ILDR2: variants seen among roughly 807,000 people sequenced by gnomAD.
ILDR2 encodes immunoglobulin like domain containing receptor 2.
Under a neutral mutation model 66.8 loss-of-function variants are expected in ILDR2, and 25 were observed. The observed-to-expected ratio is 0.37, with a 90% confidence interval of 0.27 to 0.52. ILDR2 has a LOEUF of 0.52. ILDR2 is among the 20% of genes least tolerant of loss of function. The pLI is 0.88. For synonymous variants in ILDR2, 367 were observed against 357.2 expected (o/e 1.03, Z -0.31); for missense variants, 827 against 876.8 (o/e 0.94, Z 0.72).
Position 166,916,992 on chromosome 1 carries a change from C to G in ILDR2, c.*2363G>C, listed in dbSNP as rs1487673703. The G allele has an allele frequency of 6.6e-6, 1 of 152,250 alleles. No homozygotes were observed. The highest frequency in any genetic ancestry group is 1.9e-4 in the East Asian group (1 of 5,202). The allele number at this position is 152,250 out of a possible 1,614,324, so 9.4% of individuals were successfully genotyped here. A position where few individuals can be genotyped will look rare whatever the true frequency, so the allele number is the denominator to read the frequency against. Reference sequence around the variant, plus strand: ...TATAAAGCGATAATAGCTACCACAGCTACCCAATATTCTCCAAAATTGCCT... The same window carrying G: ...TATAAAGCGATAATAGCTACCACAGGTACCCAATATTCTCCAAAATTGCCT... On this transcript the variant is annotated 3_prime_UTR_variant, in exon 10 of 10. Coordinates refer to ENST00000271417, the MANE Select transcript of ILDR2 (RefSeq NM_199351.3).
At chr1:166,943,970 T>C in intron 3 of ILDR2, 1 of 431,214 alleles carries the variant, frequency 2.3e-6, no homozygotes, top group Non-Finnish European at 3.1e-6. Context: ...TCCCCAAATC[T>C]TGCAGAATCC....
intron 3 of ILDR2, among the ~76,000 whole-genome samples, 164 bp downstream of exon 3, chr1:166,956,569 A>C (rs2075981): frequency 0.41 from 61,564 of 151,978 alleles, 12,771 homozygotes; most frequent in East Asian, 0.58. Flanking sequence ...TAATAAGTAC[A>C]GCTACTGCTC....
At position 166,918,386 on chromosome 1, in the gene ILDR2, G is replaced by A. The variant is rs955439076; in HGVS notation, c.*969C>T. The stretch of plus-strand genomic sequence containing the variant: ...ATGGTCCACATTCAAAATATAATGA[G>A]ATGATGTTATTTCCCTTTTAAATTC... On this transcript the variant is annotated 3_prime_UTR_variant, in exon 10 of 10. Transcript: ENST00000271417. The A allele has an allele frequency of 1.3e-5, 2 of 152,196 alleles. No homozygotes were observed. Among genetic ancestry groups the A allele is most frequent in the Admixed American group, 6.5e-5 (1 of 15,274 alleles). The allele number at this position is 152,196 out of a possible 1,614,324, so 9.4% of individuals were successfully genotyped here.
intron 2 of ILDR2, among the ~76,000 whole-genome samples, chr1:166,901,859 C>T (rs1315729786): frequency 6.6e-6 from 1 of 152,194 alleles, no homozygotes; most frequent in African/African-American, 2.4e-5. Flanking sequence ...GTATGGGTCC[C>T]TTTGATATTA....
At chr1:166,925,665 C>T (rs1012652030) in intron 7 of ILDR2, among the ~76,000 whole-genome samples, 3 of 152,156 alleles carry the variant, frequency 2.0e-5, no homozygotes, top group South Asian at 2.1e-4. Flanking sequence ...ATTGTGTCAC[C>T]GCATCCCTAG....
Position 166,916,332 on chromosome 1 carries a change from A to T in ILDR2, c.*3023T>A, listed in dbSNP as rs942212609. ...TAATATCAAAGTATTCTCATTTTTTAAAAAAACTAAATCTCTGGTTTTATT... is the reference window on the plus strand; with the variant it reads ...TAATATCAAAGTATTCTCATTTTTTTAAAAAACTAAATCTCTGGTTTTATT... On this transcript the variant is annotated 3_prime_UTR_variant, in exon 10 of 10. Coordinates refer to ENST00000271417, the MANE Select transcript of ILDR2 (RefSeq NM_199351.3). 3.9e-5 allele frequency: 6 copies of T among 152,190 alleles called. No individual in the cohort carries two copies. The highest frequency in any genetic ancestry group is 1.9e-4 in the East Asian group (1 of 5,206). 9.4% of individuals were successfully genotyped at this position (152,190 alleles called of 1,614,324 possible).
rs1482736618 is a variant in ILDR2 at position 166,910,544 on chromosome 1, C to G, written c.*8811G>C. The G allele has an allele frequency of 2.0e-5, 3 of 152,192 alleles. No individual in the cohort carries two copies. Among genetic ancestry groups the G allele is most frequent in the Non-Finnish European group, 4.4e-5 (3 of 68,034 alleles). 9.4% of individuals were successfully genotyped at this position (152,192 alleles called of 1,614,324 possible). ...CTGGAAGGTTAGCAATAGAGTCACT[C>G]TCTTGGATGTGTGCCACTAGATGGC... On this transcript the variant is annotated 3_prime_UTR_variant, in exon 10 of 10. Coordinates refer to ENST00000271417, the MANE Select transcript of ILDR2 (RefSeq NM_199351.3).
chr1:166,918,270 T>C lies in ILDR2; in HGVS notation c.*1085A>G, dbSNP rs940593327. The C allele has an allele frequency of 2.6e-5, 4 of 152,122 alleles. No homozygotes were observed. The highest frequency in any genetic ancestry group is 1.9e-4 in the East Asian group (1 of 5,178). The allele number at this position is 152,122 out of a possible 1,614,324, so 9.4% of individuals were successfully genotyped here. A position where few individuals can be genotyped will look rare whatever the true frequency, so the allele number is the denominator to read the frequency against. On this transcript the variant is annotated 3_prime_UTR_variant, in exon 10 of 10. Transcript: ENST00000271417. Reference sequence around the variant, plus strand: ...AATGCTGTATGTTCCACATCCCCCATGTCCTAGAATGGCAGAACTGGGATG... The same window carrying C: ...AATGCTGTATGTTCCACATCCCCCACGTCCTAGAATGGCAGAACTGGGATG...
intron 1 of ILDR2, among the ~76,000 whole-genome samples, chr1:166,962,419 A>G (rs1256880236): frequency 6.6e-6 from 1 of 152,032 alleles, no homozygotes; most frequent in Non-Finnish European, 1.5e-5. Context: ...GGGCCCTAAT[A>G]CCAGCCCCTT....
chr1:166,926,088 G>T (rs1660262554), intron 7 of ILDR2, among the ~76,000 whole-genome samples: 1 of 152,216 alleles, frequency 6.6e-6, no homozygotes, highest in African/African-American at 2.4e-5. Context: ...GATGAATTTA[G>T]AATTGCAAAC....
rs144334612 is a variant in ILDR2 at position 166,950,150 on chromosome 1, T to C, written c.499+6583A>G. 1.0e-2 allele frequency among the ~76,000 whole-genome samples: 1,521 copies of C among 152,332 alleles called. 31 individuals carry two copies. Among genetic ancestry groups the C allele is most frequent in the African/African-American group, 0.034 (1,419 of 41,562 alleles). On this transcript the variant is annotated intron_variant, in intron 3 of 9. Transcript: ENST00000271417. ...GTAGCCTCCAAATTTATGGCGAAAG[T>C]GTGGCTCTGTAATTAATTCCTTTTC...
intron 1 of ILDR2, among the ~76,000 whole-genome samples, chr1:166,970,700 T>G (rs1663235892): frequency 6.6e-6 from 1 of 152,140 alleles, no homozygotes. Flanking sequence ...TGATACTCAA[T>G]TCTATATAAA....
intron 1 of ILDR2, among the ~76,000 whole-genome samples, chr1:166,970,643 C>T (rs1000036681): frequency 5.3e-5 from 8 of 152,226 alleles, no homozygotes; most frequent in Non-Finnish European, 1.2e-4. Context: ...CTGAACTAAG[C>T]ACTAGGTACT....
At chr1:166,906,390 A>G (rs1659350619), downstream of ILDR2, among the ~76,000 whole-genome samples, 1 of 152,192 alleles carries the variant, frequency 6.6e-6, no homozygotes. Context: ...GGGGCTTCCT[A>G]AAAGATGCAA....
In ILDR2 at chr1:166,908,901, T is replaced by C. The variant is rs546861909; in HGVS notation, c.*10454A>G. ...AAAAGGAAGCCGGAAAGGCTGGTTG[T>C]TCAGGGCTCTGTGGCTGCAGATAAA... On this transcript the variant is annotated 3_prime_UTR_variant, in exon 10 of 10. Transcript: ENST00000271417. 6.6e-6 allele frequency: 1 copy of C among 152,370 alleles called. No individual in the cohort carries two copies. The highest frequency in any genetic ancestry group is 2.1e-4 in the South Asian group (1 of 4,826). The allele number at this position is 152,370 out of a possible 1,614,324, so 9.4% of individuals were successfully genotyped here.
chr1:166,938,446 T>G (rs746825746), intron 4 of ILDR2, among the ~76,000 whole-genome samples: 10 of 152,232 alleles, frequency 6.6e-5, no homozygotes, highest in Non-Finnish European at 1.3e-4. Flanking sequence ...TTTCAAGCAC[T>G]GCAATGTAAC....
Position 166,916,393 on chromosome 1 carries a change from A to G in ILDR2, c.*2962T>C, listed in dbSNP as rs1557925557. The G allele has an allele frequency of 6.6e-6, 1 of 152,264 alleles. No homozygotes were observed. Among genetic ancestry groups the G allele is most frequent in the African/African-American group, 2.4e-5 (1 of 41,466 alleles). The allele number at this position is 152,264 out of a possible 1,614,324, so 9.4% of individuals were successfully genotyped here. Reference sequence around the variant, plus strand: ...CATAGCACTATTTCATACTCTATGTATAAAATCTCCTTTCTTGAGCATGTC... The same window carrying G: ...CATAGCACTATTTCATACTCTATGTGTAAAATCTCCTTTCTTGAGCATGTC... On this transcript the variant is annotated 3_prime_UTR_variant, in exon 10 of 10. Transcript: ENST00000271417.
At chr1:166,903,580 AC>A (rs1181824130), downstream of ILDR2, among the ~76,000 whole-genome samples, 1 of 152,158 alleles carries the variant, frequency 6.6e-6, no homozygotes, top group Non-Finnish European at 1.5e-5. Flanking sequence ...CCAGATAAGA[AC>A]CTTTTTCTAA....
chr1:166,955,604 A>AAAATAAAATC (rs1023242481), intron 3 of ILDR2, among the ~76,000 whole-genome samples: 4 of 152,232 alleles, frequency 2.6e-5, no homozygotes, highest in Non-Finnish European at 5.9e-5. Flanking sequence ...CTCTGTCTCA[A>AAAATAAAATC]AAATAAAATC....
Sources: allele counts gnomAD v4.1 joint callset (sites outside exome capture counted in the v4.1 genomes callset), GRCh38; gene constraint gnomAD v4.1.1; transcripts MANE v1.5; gene names NCBI Gene and HGNC (gene_info 2026-07-23, HGNC 2026-07-21).